Variants in ACTR5 observed in about 807,000 individuals in gnomAD.
ACTR5 encodes the protein actin related protein 5.
Under a neutral mutation model 61.2 loss-of-function variants are expected in ACTR5, and 43 were observed. The observed-to-expected ratio is 0.70, with a 90% CI of 0.55 to 0.91. ACTR5 has a LOEUF of 0.91. Ranked by LOEUF, ACTR5 falls within the 40% of genes least tolerant of loss-of-function variation. The pLI is 0.00. For synonymous variants in ACTR5, 333 were observed against 310.5 expected (o/e 1.07, Z -0.76); for missense variants, 798 against 782.2 (o/e 1.02, Z -0.24).
intron 5 of ACTR5, among the ~76,000 whole-genome samples, chr20:38,759,919 A>G (rs999149218): frequency 2.6e-5 from 4 of 152,090 alleles, no homozygotes; most frequent in Non-Finnish European, 5.9e-5. Context: ...TGTAATCCCA[A>G]CACTGAGAGG....
intron 3 of ACTR5, among the ~76,000 whole-genome samples, chr20:38,754,713 C>T (rs917051494): frequency 5.9e-5 from 9 of 151,930 alleles, no homozygotes; most frequent in Admixed American, 3.9e-4. Flanking sequence ...GCGAGCCTCC[C>T]GAGTACCTGG....
At chr20:38,770,305 GT>G (rs2084512479) in intron 8 of ACTR5, among the ~76,000 whole-genome samples, 1 of 152,198 alleles carries the variant, frequency 6.6e-6, no homozygotes, top group South Asian at 2.1e-4. Flanking sequence ...TTAAGTTCCT[GT>G]TTTTTCTTAA....
chr20:38,750,238 A>C lies in ACTR5; in HGVS notation c.604A>C (p.Arg202=). The stretch of plus-strand genomic sequence containing the variant: ...GCATGTTTTACCCATCTTAGAAGGG[A>C]GGTGAGTTGCACTTGTGGCATTTGA... ...CTHVLPILEG[R]LDAKNCKRIN... is the part of the protein sequence containing the mutation. The change falls in exon 2 of 9, where the codon AGA becomes CGA. Residue 202 remains arginine, a splice_region_variant and synonymous_variant. Coordinates refer to ENST00000243903, the MANE Select transcript of ACTR5 (RefSeq NM_024855.4). The C allele has an allele frequency of 6.2e-7, 1 of 1,611,906 alleles. No individual in the cohort carries two copies. The highest frequency in any genetic ancestry group is 1.1e-5 in the South Asian group (1 of 90,668).
chr20:38,761,150 G>A (rs541673635), intron 5 of ACTR5, among the ~76,000 whole-genome samples: 31 of 152,192 alleles, frequency 2.0e-4, no homozygotes, highest in African/African-American at 7.0e-4. Flanking sequence ...TCGAACTCCT[G>A]GCCTCAAGCA....
chr20:38,754,148 A>G (rs985152963), intron 3 of ACTR5, among the ~76,000 whole-genome samples: 1 of 152,196 alleles, frequency 6.6e-6, no homozygotes, highest in South Asian at 2.1e-4. Context: ...TCAGTTGTCA[A>G]ATAGGTTTTA....
At chr20:38,753,715 T>G (rs2084400553) in intron 3 of ACTR5, among the ~76,000 whole-genome samples, 1 of 152,222 alleles carries the variant, frequency 6.6e-6, no homozygotes, top group Admixed American at 6.5e-5. Context: ...AAAAATCTAT[T>G]CAGTCAACCT....
At chr20:38,767,398 T>C (rs576638282) in intron 7 of ACTR5, 66 bp from the exon 8 acceptor site, 195 of 1,431,824 alleles carry the variant, frequency 1.4e-4, no homozygotes, top group African/African-American at 8.1e-4. Flanking sequence ...AGCTTACATT[T>C]CTGCATCCAC....
chr20:38,767,430 T>G, intron 7 of ACTR5, 34 bp from the exon 8 acceptor site: 1 of 1,587,574 alleles, frequency 6.3e-7, no homozygotes, highest in Non-Finnish European at 8.6e-7. Flanking sequence ...ATATTTGAGT[T>G]AAGGGACTAT....
At chr20:38,752,383 T>C in intron 3 of ACTR5, 83 bp downstream of exon 3, 1 of 1,447,864 alleles carries the variant, frequency 6.9e-7, no homozygotes, top group Non-Finnish European at 9.2e-7. Context: ...GATTCTTTGC[T>C]TGCTCACTTT....
Position 38,764,967 on chromosome 20 carries a change from C to T in ACTR5, c.1177-435C>T, listed in dbSNP as rs530572902. ...GATTACAGGCGTGAGCCACTGCTCC[C>T]TGGCCAGCAGATGTATTTATTAATT... is the stretch of plus-strand genomic sequence containing the variant. On this transcript the variant is annotated intron_variant, in intron 5 of 8. Coordinates refer to ENST00000243903, the MANE Select transcript of ACTR5 (RefSeq NM_024855.4). Among the ~76,000 whole-genome samples the T allele has an allele frequency of 3.1e-4, 47 of 152,366 alleles. No homozygotes were observed. The South Asian group carries it at 9.5e-3, about 31-fold the overall frequency.
chr20:38,755,856 G>A lies in ACTR5; in HGVS notation c.994-1G>A. On this transcript the variant is annotated splice_acceptor_variant, in intron 4 of 8. Coordinates refer to ENST00000243903, the MANE Select transcript of ACTR5 (RefSeq NM_024855.4). LOFTEE classifies it high-confidence loss of function. The stretch of plus-strand genomic sequence containing the variant: ...CCTGTTTGTGACTGCTCTGTTTTCA[G>A]GAACTTCTAGAGGATGGCCAGATGG... 6.2e-7 allele frequency: 1 copy of A among 1,614,052 alleles called. No individual in the cohort carries two copies. The highest frequency in any genetic ancestry group is 2.2e-5 in the East Asian group (1 of 44,880).
At chr20:38,765,332 TG>T in intron 5 of ACTR5, 69 bp from the exon 6 acceptor site, 2 of 1,063,784 alleles carry the variant, frequency 1.9e-6, no homozygotes, top group Non-Finnish European at 2.9e-6. Flanking sequence ...TTCTTTTTTG[TG>T]GCACTAAAAT....
intron 3 of ACTR5, among the ~76,000 whole-genome samples, chr20:38,754,668 G>A (rs754432679): frequency 2.0e-4 from 30 of 152,080 alleles, no homozygotes; most frequent in Admixed American, 1.1e-3. Context: ...GCAGTGAGCC[G>A]AGATCGCACC....
intron 8 of ACTR5, among the ~76,000 whole-genome samples, chr20:38,768,814 G>A (rs2145678373): frequency 6.6e-6 from 1 of 152,312 alleles, no homozygotes; most frequent in South Asian, 2.1e-4. Context: ...CAGTAGGGTG[G>A]TCCTGTTAAC....
chr20:38,765,450 A>T lies in ACTR5; in HGVS notation c.1225A>T (p.Met409Leu). The T allele has an allele frequency of 6.2e-7, 1 of 1,614,190 alleles. No homozygotes were observed. The highest frequency in any genetic ancestry group is 1.1e-5 in the South Asian group (1 of 91,086). Residue 409 changes from methionine (M) to leucine (L), a missense_variant, in exon 6 of 9, where the codon ATG becomes TTG. Physicochemically the swap from Met to Leu is conservative, Grantham distance 15 (BLOSUM62 2). Coordinates refer to ENST00000243903, the MANE Select transcript of ACTR5 (RefSeq NM_024855.4). ...LEPSLEDVES[M>L]NDFDPLFSEE... ...GCCGTCTTTGGAAGATGTGGAAAGCATGAATGATTTTGATCCCTTGTTTTC... is the reference window on the plus strand; with the variant it reads ...GCCGTCTTTGGAAGATGTGGAAAGCTTGAATGATTTTGATCCCTTGTTTTC...
intron 5 of ACTR5, among the ~76,000 whole-genome samples, chr20:38,763,533 TC>T (rs1383246926): frequency 6.6e-6 from 1 of 152,262 alleles, no homozygotes; most frequent in African/African-American, 2.4e-5. Flanking sequence ...GTTTTCATGT[TC>T]CTAAAGCCCC....
chr20:38,756,448 C>T (rs1319846976), intron 5 of ACTR5, among the ~76,000 whole-genome samples: 1 of 152,184 alleles, frequency 6.6e-6, no homozygotes, highest in Non-Finnish European at 1.5e-5. Flanking sequence ...ATGCTTCATA[C>T]ATGATTTATG....
chr20:38,749,908 C>A, intron 1 of ACTR5, 102 bp from the exon 2 acceptor site: 1 of 1,022,346 alleles, frequency 9.8e-7, no homozygotes, highest in Non-Finnish European at 1.4e-6. Context: ...ATTAAGAAGC[C>A]AAAAGCAAAT....
intron 2 of ACTR5, 82 bp downstream of exon 2, chr20:38,750,321 G>A: frequency 8.1e-7 from 1 of 1,233,146 alleles, no homozygotes; most frequent in Admixed American, 2.1e-5. Flanking sequence ...TAAAGGCAGA[G>A]TAGAAAGAGC....
Sources: gnomAD v4.1 joint callset for allele counts (sites outside exome capture counted in the v4.1 genomes callset) on GRCh38, gnomAD v4.1.1 for gene constraint, MANE v1.5 for transcripts, NCBI Gene and HGNC (gene_info 2026-07-23, HGNC 2026-07-21) for gene names.